The following ANKRD44 variants were observed in gnomAD, a reference collection of about 807,000 sequenced individuals.
ANKRD44 encodes the protein serine/threonine-protein phosphatase 6 regulatory ankyrin repeat subunit B.
Under a neutral mutation model 116.0 loss-of-function variants are expected in ANKRD44, and 35 were observed. The observed-to-expected ratio is 0.30, with a 90% CI of 0.23 to 0.40. The LOEUF (loss-of-function observed/expected upper bound fraction) is 0.40. ANKRD44 is among the 10% of genes least tolerant of loss of function. ANKRD44 has a pLI of 1.00. For missense variants in ANKRD44, 1,014 were observed against 1,242.6 expected (o/e 0.82, Z 2.77); for synonymous variants, 435 against 461.8 (o/e 0.94, Z 0.74).
At chr2:197,161,989 G>A (rs867425536) in intron 2 of ANKRD44, among the ~76,000 whole-genome samples, 4 of 152,102 alleles carry the variant, frequency 2.6e-5, no homozygotes, top group African/African-American at 9.7e-5. Flanking sequence ...CTACGGTCTC[G>A]TGACTTGGAG....
intron 27 of ANKRD44, chr2:196,990,318 T>A: frequency 2.0e-6 from 2 of 994,042 alleles, no homozygotes. Context: ...GATATACTTC[T>A]GAGAACTCAC....
At chr2:197,073,331 TAA>T (rs2077598986) in intron 16 of ANKRD44, among the ~76,000 whole-genome samples, 1 of 152,216 alleles carries the variant, frequency 6.6e-6, no homozygotes, top group Non-Finnish European at 1.5e-5. Context: ...TTCCTGCTGG[TAA>T]CTTATATTCC....
intron 17 of ANKRD44, among the ~76,000 whole-genome samples, chr2:197,024,519 A>C (rs1329152379): frequency 1.3e-5 from 2 of 152,172 alleles, no homozygotes; most frequent in Non-Finnish European, 2.9e-5. Flanking sequence ...TGGTGGGTGC[A>C]CTTCCCACCT....
At chr2:197,202,393 G>T (rs1397625735) in intron 1 of ANKRD44, among the ~76,000 whole-genome samples, 1 of 150,276 alleles carries the variant, frequency 6.7e-6, no homozygotes, top group Non-Finnish European at 1.5e-5. Context: ...GAAAAGATGA[G>T]ATTTCAGATG....
intron 14 of ANKRD44, 104 bp from the exon 15 acceptor site, chr2:197,081,829 A>AC: frequency 1.1e-6 from 1 of 882,930 alleles, no homozygotes; most frequent in Non-Finnish European, 1.8e-6. Context: ...TTTTACCCCA[A>AC]CCCAAAAGAA....
In ANKRD44 at chr2:196,987,127, C is replaced by T. The variant is rs138114447; in HGVS notation, c.*2464G>A. On this transcript the variant is annotated 3_prime_UTR_variant, in exon 28 of 28. Transcript: ENST00000282272. ...CGCATAGAATTACATTTTATACAAA[C>T]ACTCAGATTGTCACTATCTTAAAAT... 4.3e-5 allele frequency: 42 copies of T among 984,392 alleles called. No individual in the cohort carries two copies. In the East Asian group the frequency reaches 2.6e-3, roughly 61 times the overall value. 61.0% of individuals were successfully genotyped at this position (984,392 alleles called of 1,614,324 possible). A position where few individuals can be genotyped will look rare whatever the true frequency, so the allele number is the denominator to read the frequency against.
intron 17 of ANKRD44, among the ~76,000 whole-genome samples, chr2:197,021,058 T>C (rs1048736784): frequency 1.3e-5 from 2 of 152,224 alleles, no homozygotes; most frequent in African/African-American, 4.8e-5. Flanking sequence ...TTTGGTTTTC[T>C]GTCCTTGTGA....
chr2:197,274,914 A>G (rs1210397157), intron 1 of ANKRD44, among the ~76,000 whole-genome samples: 2 of 151,906 alleles, frequency 1.3e-5, no homozygotes, highest in African/African-American at 2.4e-5. Flanking sequence ...GGCAATATAG[A>G]GAAACCCCAT....
At chr2:197,158,184 T>C (rs2079868806) in intron 2 of ANKRD44, among the ~76,000 whole-genome samples, 1 of 152,174 alleles carries the variant, frequency 6.6e-6, no homozygotes, top group African/African-American at 2.4e-5. Flanking sequence ...GAAGCAGGTC[T>C]TCGGAGTACC....
At chr2:197,125,570 G>A in intron 5 of ANKRD44, 102 bp from the exon 6 acceptor site, 1 of 1,130,888 alleles carries the variant, frequency 8.8e-7, no homozygotes. Context: ...AAATCTAAAG[G>A]CAGGTCAGAG....
At chr2:197,297,504 T>C (rs1443420427) in intron 1 of ANKRD44, among the ~76,000 whole-genome samples, 1 of 152,212 alleles carries the variant, frequency 6.6e-6, no homozygotes, top group Non-Finnish European at 1.5e-5. Flanking sequence ...GACCACCTGC[T>C]ATACAAAGAC....
chr2:197,186,475 T>C (rs2080662884), intron 2 of ANKRD44, among the ~76,000 whole-genome samples: 3 of 152,052 alleles, frequency 2.0e-5, no homozygotes, highest in Admixed American at 6.6e-5. Flanking sequence ...TAACCAGATT[T>C]TTTTTTTGAG....
At position 197,095,324 on chromosome 2, in the gene ANKRD44, A is replaced by G. The variant is rs183721987; in HGVS notation, c.1100+4492T>C. ...ATGGGCCAGTGAGAAAAGAATAAAG[A>G]TGGGCTCAATGGACAAGTGATAAGG... On this transcript the variant is annotated intron_variant, in intron 10 of 27. Transcript: ENST00000282272. 8.5e-5 allele frequency among the ~76,000 whole-genome samples: 13 copies of G among 152,352 alleles called. No individual in the cohort carries two copies. The East Asian group carries it at 2.5e-3, about 29-fold the overall frequency.
intron 1 of ANKRD44, among the ~76,000 whole-genome samples, chr2:197,208,769 C>G (rs920989818): frequency 2.6e-5 from 4 of 151,930 alleles, no homozygotes; most frequent in Non-Finnish European, 5.9e-5. Flanking sequence ...CACTGCACTG[C>G]AGGCTGGGCG....
chr2:197,139,962 A>G (rs1172872571), intron 3 of ANKRD44, among the ~76,000 whole-genome samples: 1 of 150,820 alleles, frequency 6.6e-6, no homozygotes, highest in Non-Finnish European at 1.5e-5. Flanking sequence ...TCACTGCAAC[A>G]TCTGCCTCCC....
chr2:197,186,612 C>CTTTTTTTTTTTTTTTTTTTTTTT (rs149107038), intron 2 of ANKRD44, among the ~76,000 whole-genome samples: 4 of 50,784 alleles, frequency 7.9e-5, no homozygotes, highest in African/African-American at 9.5e-5. Context: ...GCTAATTTTT[C>CTTTTTTTTTTTTTTTTTTTTTTT]TTTTTTTTTT....
chr2:197,030,299 G>A (rs1485170934), intron 16 of ANKRD44, among the ~76,000 whole-genome samples: 1 of 152,230 alleles, frequency 6.6e-6, no homozygotes, highest in Non-Finnish European at 1.5e-5. Context: ...CATGAGAACA[G>A]TGCCTTTAGA....
At chr2:197,260,211 T>G (rs557548744) in intron 1 of ANKRD44, among the ~76,000 whole-genome samples, 14 of 140,722 alleles carry the variant, frequency 9.9e-5, no homozygotes, top group Admixed American at 2.2e-4. Flanking sequence ...ATTAGGTATA[T>G]CTCCTAATGC....
chr2:197,216,443 T>C (rs1009430428), intron 1 of ANKRD44, among the ~76,000 whole-genome samples: 3 of 152,222 alleles, frequency 2.0e-5, no homozygotes, highest in African/African-American at 7.2e-5. Flanking sequence ...TCTTAGTCTG[T>C]CCTACCTCCC....
Sources: allele counts gnomAD v4.1 joint callset (sites outside exome capture counted in the v4.1 genomes callset), GRCh38; gene constraint gnomAD v4.1.1; transcripts MANE v1.5; gene names NCBI Gene and HGNC (gene_info 2026-07-23, HGNC 2026-07-21).